The following KIF1B variants were observed in gnomAD, a reference collection of about 807,000 sequenced individuals.
KIF1B encodes the protein kinesin family member 1B.
Under a neutral mutation model 241.9 loss-of-function variants are expected in KIF1B, and 76 were observed. The ratio of observed to expected loss-of-function variants is 0.31; its 90% CI spans 0.26 to 0.38. KIF1B has a LOEUF of 0.38. Ranked by LOEUF, KIF1B falls within the 10% of genes least tolerant of loss-of-function variation. The pLI is 1.00. For missense variants in KIF1B, 1,622 were observed against 2,271.4 expected, an observed-to-expected ratio of 0.71 and a Z score of 5.81; for synonymous variants, 750 against 796.7, an observed-to-expected ratio of 0.94 and a Z score of 0.99.
At chr1:10,277,074 C>T (rs1649152888) in intron 12 of KIF1B, among the ~76,000 whole-genome samples, 2 of 144,940 alleles carry the variant, frequency 1.4e-5, no homozygotes, top group African/African-American at 5.1e-5. Context: ...AGCGAGACTC[C>T]ATCTCAAAAA....
At position 10,295,794 on chromosome 1, in the gene KIF1B, A is replaced by G. The variant is rs778936109; in HGVS notation, c.1777+28A>G. 1.9e-6 allele frequency: 3 copies of G among 1,546,634 alleles called. No individual in the cohort carries two copies. In the South Asian group the frequency reaches 3.3e-5, roughly 17 times the overall value. On this transcript the variant is annotated intron_variant, in intron 19 of 48. Transcript: ENST00000676179. ...GAGCATTCCTGGCTGGAGCTTCAGC[A>G]ACAACATTTTCATTTTATATTATGA... is the stretch of plus-strand genomic sequence containing the variant.
intron 22 of KIF1B, chr1:10,307,811 A>G (rs1331129709): frequency 8.7e-6 from 9 of 1,040,136 alleles, no homozygotes; most frequent in Non-Finnish European, 1.0e-5. Flanking sequence ...ATTAATTGGT[A>G]TAATTTCACA....
At chr1:10,320,390 C>T (rs1651473179) in intron 23 of KIF1B, among the ~76,000 whole-genome samples, 1 of 152,092 alleles carries the variant, frequency 6.6e-6, no homozygotes, top group African/African-American at 2.4e-5. Context: ...CATTTAAATC[C>T]CTTAGGAAGT....
Position 10,342,125 on chromosome 1 carries a change from T to C in KIF1B, c.3589T>C (p.Tyr1197His). Residue 1197 changes from tyrosine (Y) to histidine (H), a missense_variant, in exon 33 of 49, where the codon TAT (tyrosine) becomes CAT (histidine). Tyr to His is a moderately conservative substitution (Grantham distance 83). Around this residue, in one of 7 missense-constraint regions of KIF1B, gnomAD observed 803 missense variants for 1,112.0 expected, o/e 0.72. Coordinates refer to ENST00000676179, the MANE Select transcript of KIF1B (RefSeq NM_001365951.3). Reference protein sequence around the residue: ...KPIVFEVFGHYQQHPLHLQGQ... With the variant: ...KPIVFEVFGHHQQHPLHLQGQ... ...TATTGTATTTGAAGTCTTTGGGCAT[T>C]ATCAGCAGCACCCACTTCATCTGCA... 1.2e-6 allele frequency: 2 copies of C among 1,613,772 alleles called. No individual in the cohort carries two copies. Among genetic ancestry groups the C allele is most frequent in the Non-Finnish European group, 1.7e-6 (2 of 1,179,612 alleles).
chr1:10,376,751 A>C lies in KIF1B; in HGVS notation c.*164A>C. On this transcript the variant is annotated 3_prime_UTR_variant, in exon 49 of 49. Transcript: ENST00000676179. Reference sequence around the variant, plus strand: ...TCTAGCTCTCCCGTTCCCCATCTCCATTGCTCTGTACTCTTTTCTTTTTTC... The same window carrying C: ...TCTAGCTCTCCCGTTCCCCATCTCCCTTGCTCTGTACTCTTTTCTTTTTTC... 1.4e-6 allele frequency: 1 copy of C among 710,212 alleles called. No homozygotes were observed. Among genetic ancestry groups the C allele is most frequent in the Non-Finnish European group, 2.5e-6 (1 of 395,404 alleles). 44.0% of individuals were successfully genotyped at this position (710,212 alleles called of 1,614,324 possible).
At position 10,320,025 on chromosome 1, in the gene KIF1B, T is replaced by G. The variant is rs776725809; in HGVS notation, c.2116-18T>G. 1.9e-6 allele frequency: 3 copies of G among 1,557,254 alleles called. No individual in the cohort carries two copies. The highest frequency in any genetic ancestry group is 1.4e-5 in the African/African-American group (1 of 73,726). The stretch of plus-strand genomic sequence containing the variant: ...TTTCTTCCCTCTCCTACATGTTATC[T>G]CCTTTCTTTTCATTCAGGACTATGA... On this transcript the variant is annotated intron_variant, in intron 22 of 48. Transcript: ENST00000676179.
intron 22 of KIF1B, among the ~76,000 whole-genome samples, chr1:10,302,182 G>T (rs1650572177): frequency 6.6e-6 from 1 of 152,110 alleles, no homozygotes; most frequent in Non-Finnish European, 1.5e-5. Context: ...ATTATATTCA[G>T]TGGAAGTATA....
At chr1:10,292,165 T>C (rs746556360) in intron 17 of KIF1B, 43 bp downstream of exon 17, 2 of 1,460,454 alleles carry the variant, frequency 1.4e-6, no homozygotes, top group African/African-American at 1.4e-5. Context: ...AGAGACACTT[T>C]TTGTTTGTCT....
chr1:10,326,500 C>A lies in KIF1B; in HGVS notation c.2924+141C>A. The A allele has an allele frequency of 8.8e-7, 1 of 1,141,550 alleles. No homozygotes were observed. The highest frequency in any genetic ancestry group is 1.3e-6 in the Non-Finnish European group (1 of 772,604). The allele number at this position is 1,141,550 out of a possible 1,614,324, so 70.7% of individuals were successfully genotyped here. A position where few individuals can be genotyped will look rare whatever the true frequency, so the allele number is the denominator to read the frequency against. ...TTTTCAAGTTCTCCAATACTTCAAG[C>A]TCTTAGTCAGTGCTGGTCTGGCTGA... is the stretch of plus-strand genomic sequence containing the variant. On this transcript the variant is annotated intron_variant, in intron 27 of 48. Coordinates refer to ENST00000676179, the MANE Select transcript of KIF1B (RefSeq NM_001365951.3). The surrounding 1 kb of genome is among the most constrained non-coding windows in gnomAD (Gnocchi z 5.2).
intron 2 of KIF1B, among the ~76,000 whole-genome samples, chr1:10,253,305 G>C (rs1439419893): frequency 6.6e-6 from 1 of 152,034 alleles, no homozygotes; most frequent in Admixed American, 6.6e-5. Context: ...TGTAAAATGG[G>C]GGTAATGAAA....
chr1:10,291,191 T>A, intron 16 of KIF1B, 30 bp downstream of exon 16: 1 of 1,431,370 alleles, frequency 7.0e-7, no homozygotes, highest in Non-Finnish European at 9.8e-7. Context: ...GAAATGTTTC[T>A]AAGTTTTCTA....
At chr1:10,361,914 C>CGGTTA in intron 40 of KIF1B, 89 bp downstream of exon 40, 1 of 1,483,682 alleles carries the variant, frequency 6.7e-7, no homozygotes, top group Non-Finnish European at 9.3e-7. Flanking sequence ...TACTGTCTCA[C>CGGTTA]GGTTAGTTTA....
intron 45 of KIF1B, 31 bp downstream of exon 45, chr1:10,371,293 A>G (rs1325685793): frequency 6.2e-7 from 1 of 1,613,342 alleles, no homozygotes; most frequent in Admixed American, 1.7e-5. Context: ...GAGAGAAGTC[A>G]ATCTAAGAAC....
At chr1:10,302,799 G>A (rs1235848344) in intron 22 of KIF1B, among the ~76,000 whole-genome samples, 1 of 152,144 alleles carries the variant, frequency 6.6e-6, no homozygotes, top group Non-Finnish European at 1.5e-5. Flanking sequence ...TAGTGAGGTC[G>A]TTAAGTCACG....
intron 15 of KIF1B, among the ~76,000 whole-genome samples, chr1:10,288,270 T>C (rs1050639704): frequency 1.3e-5 from 2 of 152,208 alleles, no homozygotes; most frequent in African/African-American, 4.8e-5. Flanking sequence ...TTAGTGGTTG[T>C]TGAATAACTT....
At chr1:10,371,361 C>G in intron 45 of KIF1B, 99 bp downstream of exon 45, 1 of 1,403,604 alleles carries the variant, frequency 7.1e-7, no homozygotes. Context: ...GCAGCACCTT[C>G]TCCCTAGGCA....
rs1344885128 is a variant in KIF1B, at chr1:10,326,157, A to G, written c.2722A>G (p.Thr908Ala). ...GCVNERLADR[T>A]PSPTFSTADS... is the part of the protein sequence containing the mutation. ...TGTGAACGAGCGCCTTGCCGACCGC[A>G]CACCCTCCCCCACTTTTTCCACGGC... Residue 908 changes from threonine to alanine, a missense_variant, in exon 27 of 49, where the codon ACA becomes GCA. Physicochemically the swap from Thr to Ala is moderately conservative, Grantham distance 58. This residue lies in a region of KIF1B where 803 missense variants were observed against 1,112.0 expected (regional missense o/e 0.72). Transcript: ENST00000676179. This position sits in a 1 kb window ranked among gnomAD's most constrained non-coding sequence, Gnocchi z 5.2. 6.2e-6 allele frequency: 10 copies of G among 1,613,936 alleles called. No individual in the cohort carries two copies. The East Asian group carries it at 2.2e-4, about 36-fold the overall frequency.
At chr1:10,229,337 C>T (rs1447896681) in intron 1 of KIF1B, among the ~76,000 whole-genome samples, 1 of 151,818 alleles carries the variant, frequency 6.6e-6, no homozygotes, top group Non-Finnish European at 1.5e-5. Flanking sequence ...GTAAACTAGG[C>T]AAAGGACTTA....
At chr1:10,315,915 G>C (rs994210932) in intron 22 of KIF1B, among the ~76,000 whole-genome samples, 1 of 151,274 alleles carries the variant, frequency 6.6e-6, no homozygotes, top group African/African-American at 2.5e-5. Context: ...ATTTAACTGG[G>C]CATGGTGGTA....
Sources: gnomAD v4.1 joint callset for allele counts (sites outside exome capture counted in the v4.1 genomes callset) on GRCh38, gnomAD v4.1.1 for gene constraint, gnomAD v4.1.1 regional missense constraint, Gnocchi (gnomAD v3.1) non-coding constraint, MANE v1.5 for transcripts, NCBI Gene and HGNC (gene_info 2026-07-23, HGNC 2026-07-21) for gene names.